The following DOCK2 variants were observed in gnomAD, a reference collection of about 807,000 sequenced individuals.
The protein encoded by DOCK2 is dedicator of cytokinesis 2.
A neutral mutation model predicts 248.9 loss-of-function variants in DOCK2; 87 were observed. The observed-to-expected ratio is 0.35, with a 90% CI of 0.29 to 0.42. The LOEUF (loss-of-function observed/expected upper bound fraction) is 0.42. Among genes scored for constraint, DOCK2 ranks in the 10% least tolerant of loss-of-function variants. The pLI, the probability that DOCK2 is intolerant of heterozygous loss-of-function variation, is 1.00. For missense variants in DOCK2, 1,747 were observed against 2,300.2 expected (o/e 0.76, Z 4.92); for synonymous variants, 805 against 821.6 (o/e 0.98, Z 0.35).
chr5:170,031,871 C>T lies in DOCK2; in HGVS notation c.3468-2528C>T, dbSNP rs114346929. On this transcript the variant is annotated intron_variant, in intron 34 of 51. Coordinates refer to ENST00000520908, the MANE Select transcript of DOCK2 (RefSeq NM_004946.3). ...AACCCTGGTTTCTCCAAGTGTGGTC[C>T]ATTGACCCGCAGCACTGGTATCACC... Among the ~76,000 whole-genome samples, 793 of 152,234 alleles carry T rather than the reference C, an allele frequency of 5.2e-3. 2 individuals are homozygous for T. The highest frequency in any genetic ancestry group is 9.8e-3 in the Non-Finnish European group (663 of 67,990).
rs1023720043 is a variant in DOCK2 at position 170,006,816 on chromosome 5, C to T, written c.3073-1681C>T. ...CAGAAATATTTGTTAAATGCATCCCCAGCTGAATACTGACCGTGGTGTGTT... is the reference window on the plus strand; with the variant it reads ...CAGAAATATTTGTTAAATGCATCCCTAGCTGAATACTGACCGTGGTGTGTT... On this transcript the variant is annotated intron_variant, in intron 30 of 51. Coordinates refer to ENST00000520908, the MANE Select transcript of DOCK2 (RefSeq NM_004946.3). Among the ~76,000 whole-genome samples the T allele has an allele frequency of 5.3e-5, 8 of 152,328 alleles. No individual in the cohort carries two copies. The East Asian group carries it at 1.4e-3, about 26-fold the overall frequency.
At chr5:170,060,212 G>T (rs1757282056) in intron 44 of DOCK2, among the ~76,000 whole-genome samples, 1 of 152,062 alleles carries the variant, frequency 6.6e-6, no homozygotes, top group Admixed American at 6.5e-5. Flanking sequence ...CTGATCTAGG[G>T]GTCAGAGATC....
At chr5:169,714,561 TTTC>T in intron 19 of DOCK2, 104 bp downstream of exon 19, 1 of 1,249,740 alleles carries the variant, frequency 8.0e-7, no homozygotes, top group Non-Finnish European at 1.1e-6. Context: ...TGGGGAAACT[TTTC>T]TTCCAACAGT....
chr5:169,906,623 A>C (rs1774296847), intron 27 of DOCK2, among the ~76,000 whole-genome samples: 1 of 152,132 alleles, frequency 6.6e-6, no homozygotes. Context: ...TGAGCCACCC[A>C]TGCCTGGCCA....
chr5:169,882,542 A>G (rs1485196633), intron 27 of DOCK2: 2 of 1,520,938 alleles, frequency 1.3e-6, no homozygotes, highest in Non-Finnish European at 1.8e-6. Flanking sequence ...ATGAAAAAAA[A>G]ATCTCCTTAC....
chr5:169,891,236 A>G (rs1428200181), intron 27 of DOCK2, among the ~76,000 whole-genome samples: 1 of 151,998 alleles, frequency 6.6e-6, no homozygotes, highest in Non-Finnish European at 1.5e-5. Context: ...TCTCCAGGAG[A>G]CACTCCCTGA....
chr5:169,805,216 C>CA (rs1178136278), intron 26 of DOCK2, among the ~76,000 whole-genome samples: 17,680 of 70,528 alleles, frequency 0.25, 2,085 homozygotes, highest in East Asian at 0.5. Context: ...TCTGTCTCTA[C>CA]AAAAAAAAAA....
chr5:170,081,770 CTGT>C, intron 50 of DOCK2, 69 bp from the exon 51 acceptor site: 20 of 1,370,320 alleles, frequency 1.5e-5, no homozygotes, highest in South Asian at 5.7e-5. Context: ...AGCCCTCCCC[CTGT>C]CTACCTCCCC....
At chr5:169,854,141 A>T (rs1260986085) in intron 27 of DOCK2, among the ~76,000 whole-genome samples, 1 of 149,346 alleles carries the variant, frequency 6.7e-6, no homozygotes. Flanking sequence ...CTTTGACACT[A>T]TTTCTTTAAA....
In DOCK2 at chr5:169,658,043, TA is replaced by T. The variant is rs989530005; in HGVS notation, c.127+3565del. Among the ~76,000 whole-genome samples the T allele has an allele frequency of 3.3e-5, 5 of 151,896 alleles. No homozygotes were observed. The East Asian group carries it at 7.7e-4, about 23-fold the overall frequency. On this transcript the variant is annotated intron_variant, in intron 2 of 51. Coordinates refer to ENST00000520908, the MANE Select transcript of DOCK2 (RefSeq NM_004946.3). ...ATTAATTGGAAATAAAACATGGAAT[TA>T]AAAAAAATAACCACGTCTATCTTTG...
rs539288659 is a variant in DOCK2, at chr5:169,985,943, G to T, written c.2993+21G>T. ...AACAGGTGAGCTGCTACCTGCTTCC[G>T]CAAAGCTACCTTACCCAGCCCTCAC... On this transcript the variant is annotated intron_variant, in intron 29 of 51. Transcript: ENST00000520908. 2.8e-5 allele frequency: 45 copies of T among 1,594,206 alleles called. 1 individual carries two copies. The highest frequency in any genetic ancestry group is 1.7e-4 in the South Asian group (15 of 87,708).
At chr5:169,989,819 A>T (rs1049740734) in intron 29 of DOCK2, among the ~76,000 whole-genome samples, 1 of 152,228 alleles carries the variant, frequency 6.6e-6, no homozygotes, top group Non-Finnish European at 1.5e-5. Context: ...ATAGTGTTTG[A>T]CACATAGCAA....
intron 27 of DOCK2, among the ~76,000 whole-genome samples, chr5:169,866,727 C>A (rs907126814): frequency 1.3e-5 from 2 of 152,202 alleles, no homozygotes; most frequent in Non-Finnish European, 2.9e-5. Flanking sequence ...TGCAGACTCA[C>A]ATACTGACTG....
chr5:169,725,482 TTTTATTTA>T (rs1007103599), intron 22 of DOCK2, among the ~76,000 whole-genome samples: 1 of 144,080 alleles, frequency 6.9e-6, no homozygotes, highest in Admixed American at 6.9e-5. Context: ...TGTTTTTTCT[TTTTATTTA>T]TTTATTTATT....
chr5:169,799,399 C>T (rs1389451551), intron 25 of DOCK2, among the ~76,000 whole-genome samples: 8 of 152,132 alleles, frequency 5.3e-5, no homozygotes, highest in Admixed American at 1.3e-4. Context: ...GGAAGTTATT[C>T]GTATCCCAAT....
At chr5:169,928,452 T>A (rs868685462) in intron 27 of DOCK2, among the ~76,000 whole-genome samples, 22 of 152,248 alleles carry the variant, frequency 1.4e-4, no homozygotes, top group African/African-American at 5.1e-4. Flanking sequence ...GCCTTAGTTC[T>A]ACCAGAGCCA....
chr5:169,867,242 A>G (rs1771622838), intron 27 of DOCK2, among the ~76,000 whole-genome samples: 1 of 152,224 alleles, frequency 6.6e-6, no homozygotes, highest in South Asian at 2.1e-4. Flanking sequence ...CCACAATCAG[A>G]TTAGATTCCG....
intron 27 of DOCK2, among the ~76,000 whole-genome samples, chr5:169,909,306 A>G (rs941277209): frequency 4.0e-4 from 61 of 152,244 alleles, no homozygotes; most frequent in Non-Finnish European, 1.5e-5. Context: ...GGTGGCTACC[A>G]TGTTCAACAG....
intron 27 of DOCK2, among the ~76,000 whole-genome samples, chr5:169,906,255 T>C (rs1346426731): frequency 6.6e-6 from 1 of 152,134 alleles, no homozygotes; most frequent in Non-Finnish European, 1.5e-5. Flanking sequence ...TAAGAGAGCC[T>C]CAGTTTCCTC....
Sources: gnomAD v4.1 joint callset for allele counts (sites outside exome capture counted in the v4.1 genomes callset) on GRCh38, gnomAD v4.1.1 for gene constraint, MANE v1.5 for transcripts, NCBI Gene and HGNC (gene_info 2026-07-23, HGNC 2026-07-21) for gene names.